KCNH7: variants seen among roughly 807,000 people sequenced by gnomAD.
KCNH7 encodes the protein voltage-gated inwardly rectifying potassium channel KCNH7.
Under a neutral mutation model 120.8 loss-of-function variants are expected in KCNH7, and 49 were observed. The ratio of observed to expected loss-of-function variants is 0.41; its 90% CI spans 0.32 to 0.51. KCNH7 has a LOEUF of 0.51. KCNH7 is among the 20% of genes least tolerant of loss of function. The probability of loss-of-function intolerance (pLI) is 0.38; values close to 1 mark genes in which losing one functional copy is unlikely to be tolerated. For synonymous variants in KCNH7, 547 were observed against 516.1 expected (o/e 1.06, Z -0.81); for missense variants, 1,097 against 1,446.6 (o/e 0.76, Z 3.92).
At chr2:162,562,048 C>T (rs754964651) in intron 2 of KCNH7, among the ~76,000 whole-genome samples, 9 of 151,978 alleles carry the variant, frequency 5.9e-5, no homozygotes, top group South Asian at 4.2e-4. Context: ...CATCACACAC[C>T]GGGGCCTGTT....
chr2:162,479,142 A>G (rs1689842218), intron 6 of KCNH7, among the ~76,000 whole-genome samples: 2 of 150,518 alleles, frequency 1.3e-5, no homozygotes, highest in Admixed American at 1.3e-4. Context: ...CCCTGTAATG[A>G]GAATGGAAAA....
chr2:162,696,445 A>T (rs1364894581), intron 2 of KCNH7, among the ~76,000 whole-genome samples: 1 of 152,156 alleles, frequency 6.6e-6, no homozygotes. Flanking sequence ...GTGGAAAATA[A>T]AGAAGAGCTT....
At chr2:162,634,621 G>A (rs1161998094) in intron 2 of KCNH7, among the ~76,000 whole-genome samples, 3 of 152,012 alleles carry the variant, frequency 2.0e-5, no homozygotes, top group South Asian at 2.1e-4. Flanking sequence ...TGAGGGGACT[G>A]AGACCCAGGG....
intron 2 of KCNH7, among the ~76,000 whole-genome samples, chr2:162,581,776 T>C (rs1482808254): frequency 6.6e-6 from 1 of 152,086 alleles, no homozygotes; most frequent in Non-Finnish European, 1.5e-5. Flanking sequence ...AAAATGACAA[T>C]GTCATATATC....
At chr2:162,451,757 A>T (rs144572267) in intron 6 of KCNH7, among the ~76,000 whole-genome samples, 1 of 152,048 alleles carries the variant, frequency 6.6e-6, no homozygotes, top group Non-Finnish European at 1.5e-5. Context: ...ATGGTCTCTT[A>T]AGCAGGGTAG....
At chr2:162,539,576 A>G (rs896814826) in intron 2 of KCNH7, among the ~76,000 whole-genome samples, 1 of 152,168 alleles carries the variant, frequency 6.6e-6, no homozygotes, top group Non-Finnish European at 1.5e-5. Flanking sequence ...TTTCTGATTT[A>G]GTAATTTACT....
intron 2 of KCNH7, among the ~76,000 whole-genome samples, chr2:162,575,693 T>C (rs903893397): frequency 6.6e-6 from 1 of 152,120 alleles, no homozygotes; most frequent in East Asian, 1.9e-4. Context: ...CTGGCCACTA[T>C]TATCTGCTCA....
intron 6 of KCNH7, among the ~76,000 whole-genome samples, chr2:162,481,965 CATCT>C (rs35463005): frequency 0.024 from 3,593 of 151,192 alleles, 92 homozygotes; most frequent in East Asian, 0.094. Flanking sequence ...ATCTATCTAT[CATCT>C]ATCTATCTAT....
At chr2:162,814,435 T>C (rs1684845444) in intron 2 of KCNH7, among the ~76,000 whole-genome samples, 1 of 152,194 alleles carries the variant, frequency 6.6e-6, no homozygotes, top group Non-Finnish European at 1.5e-5. Context: ...AGACAAGGTG[T>C]GGAAGGCAAA....
At chr2:162,458,109 G>GCA (rs879408953) in intron 6 of KCNH7, among the ~76,000 whole-genome samples, 2,999 of 149,004 alleles carry the variant, frequency 0.02, 198 homozygotes, top group Admixed American at 0.15. Context: ...ATGTGCGTGT[G>GCA]TGTGTGTGTG....
intron 2 of KCNH7, among the ~76,000 whole-genome samples, chr2:162,593,046 T>C (rs1448075342): frequency 6.6e-6 from 1 of 152,120 alleles, no homozygotes. Flanking sequence ...TTTATATCTC[T>C]GCCAAGGGCC....
intron 2 of KCNH7, among the ~76,000 whole-genome samples, chr2:162,751,938 A>G (rs1050068332): frequency 3.3e-5 from 5 of 152,072 alleles, no homozygotes; most frequent in African/African-American, 9.7e-5. Flanking sequence ...AAAAAATAAT[A>G]TTTTTAACAC....
chr2:162,804,906 C>T (rs771202389), intron 2 of KCNH7, among the ~76,000 whole-genome samples: 23 of 151,836 alleles, frequency 1.5e-4, no homozygotes, highest in African/African-American at 5.3e-4. Flanking sequence ...ACACATAAAC[C>T]AATGGAACAG....
At chr2:162,389,427 G>A (rs1686675457) in intron 12 of KCNH7, among the ~76,000 whole-genome samples, 1 of 151,940 alleles carries the variant, frequency 6.6e-6, no homozygotes, top group Non-Finnish European at 1.5e-5. Flanking sequence ...GAGGCTACTT[G>A]CCGACTTTAT....
chr2:162,720,500 G>A (rs1017821001), intron 2 of KCNH7, among the ~76,000 whole-genome samples: 3 of 151,724 alleles, frequency 2.0e-5, no homozygotes, highest in Non-Finnish European at 4.4e-5. Flanking sequence ...ATCTACATAT[G>A]TATATCCATT....
At position 162,428,382 on chromosome 2, in the gene KCNH7, T is replaced by C. The variant is rs138830305; in HGVS notation, c.1955-4847A>G. On this transcript the variant is annotated intron_variant, in intron 8 of 15. Transcript: ENST00000332142. ...TCTTTTATTGTTGATTTCTGGTTTC[T>C]CTATGGTCAGATAAATACTTTGTAT... 4.9e-3 allele frequency among the ~76,000 whole-genome samples: 738 copies of C among 152,004 alleles called. 7 individuals are homozygous for C. Among genetic ancestry groups the C allele is most frequent in the African/African-American group, 0.017 (717 of 41,540 alleles).
At chr2:162,457,187 A>G (rs1410158272) in intron 6 of KCNH7, among the ~76,000 whole-genome samples, 1 of 152,162 alleles carries the variant, frequency 6.6e-6, no homozygotes, top group Non-Finnish European at 1.5e-5. Context: ...TAAGAAGCCA[A>G]TGACTAAAAA....
intron 15 of KCNH7, among the ~76,000 whole-genome samples, chr2:162,372,827 C>G (rs1686005945): frequency 6.6e-6 from 1 of 152,110 alleles, no homozygotes; most frequent in African/African-American, 2.4e-5. Flanking sequence ...AGCTAGACTA[C>G]TTACATTAAC....
intron 2 of KCNH7, among the ~76,000 whole-genome samples, chr2:162,650,879 T>C (rs555508677): frequency 6.6e-6 from 1 of 152,332 alleles, no homozygotes; most frequent in South Asian, 2.1e-4. Context: ...GTGAACTCAC[T>C]GAGGCTCTGT....
Sources: gnomAD v4.1 joint callset for allele counts (sites outside exome capture counted in the v4.1 genomes callset) on GRCh38, gnomAD v4.1.1 for gene constraint, MANE v1.5 for transcripts, NCBI Gene and HGNC (gene_info 2026-07-23, HGNC 2026-07-21) for gene names.